Variants in ARHGAP26 observed in about 807,000 individuals in gnomAD.
ARHGAP26 encodes Rho GTPase activating protein 26, also known as rho GTPase-activating protein 26.
ARHGAP26 carries 38 observed loss-of-function variants against 104.8 expected under a neutral mutation model. The observed-to-expected ratio is 0.36, with a 90% CI of 0.28 to 0.48. ARHGAP26 has a LOEUF of 0.48. Ranked by LOEUF, ARHGAP26 falls within the 20% of genes least tolerant of loss-of-function variation. The pLI, the probability that ARHGAP26 is intolerant of heterozygous loss-of-function variation, is 0.99. For synonymous variants in ARHGAP26, 341 were observed against 340.0 expected (o/e 1.00, Z -0.03); for missense variants, 704 against 947.9 (o/e 0.74, Z 3.38).
intron 10 of ARHGAP26, among the ~76,000 whole-genome samples, chr5:142,917,640 A>G (rs1223042992): frequency 6.6e-6 from 1 of 152,154 alleles, no homozygotes; most frequent in Non-Finnish European, 1.5e-5. Flanking sequence ...GGCACATGGC[A>G]CTGAATAGGT....
intron 14 of ARHGAP26, among the ~76,000 whole-genome samples, chr5:143,043,448 T>C (rs1783763995): frequency 6.6e-6 from 1 of 152,218 alleles, no homozygotes; most frequent in Admixed American, 6.5e-5. Flanking sequence ...CATTCATTTA[T>C]TGAAGGGCAC....
chr5:143,137,537 A>G (rs920687773), intron 19 of ARHGAP26, among the ~76,000 whole-genome samples: 1 of 152,228 alleles, frequency 6.6e-6, no homozygotes, highest in Non-Finnish European at 1.5e-5. Flanking sequence ...CCATAGGCAC[A>G]TGCACATGCG....
intron 17 of ARHGAP26, among the ~76,000 whole-genome samples, chr5:143,059,245 C>G (rs1023496379): frequency 6.6e-6 from 1 of 152,122 alleles, no homozygotes; most frequent in South Asian, 2.1e-4. Context: ...GCCATCGGGT[C>G]TGAAAGAGGC....
chr5:143,147,227 C>G lies in ARHGAP26; in HGVS notation c.1838-4C>G, dbSNP rs772215456. ...ATATGGGACTTGTGGCTTTTCCCCC[C>G]CAGAGGAACAAAGGAACAGCATCAT... On this transcript the variant is annotated splice_region_variant and splice_polypyrimidine_tract_variant and intron_variant, in intron 19 of 22. Coordinates refer to ENST00000645722, the MANE Select transcript of ARHGAP26 (RefSeq NM_001135608.3). The G allele has an allele frequency of 2.5e-5, 41 of 1,613,366 alleles. No individual in the cohort carries two copies. The South Asian group carries it at 2.9e-4, about 11-fold the overall frequency.
intron 11 of ARHGAP26, among the ~76,000 whole-genome samples, chr5:142,936,145 A>ACACC (rs764972784): frequency 2.0e-5 from 3 of 149,348 alleles, no homozygotes; most frequent in Admixed American, 6.7e-5. Flanking sequence ...ACACACACAC[A>ACACC]CCCCTTCTAT....
chr5:142,770,531 C>T lies in ARHGAP26; in HGVS notation c.-231C>T. On this transcript the variant is annotated 5_prime_UTR_variant, in exon 1 of 23. Transcript: ENST00000645722. ...GGGTCCGCGCTGCGTTTCCTGCTCG[C>T]GATCCGCTCCGTTGCCCGCGCCCGG... The T allele has an allele frequency of 4.9e-6, 1 of 202,862 alleles. No individual in the cohort carries two copies. The highest frequency in any genetic ancestry group is 9.8e-6 in the Non-Finnish European group (1 of 102,550). The allele number at this position is 202,862 out of a possible 1,614,324, so 12.6% of individuals were successfully genotyped here.
chr5:143,052,535 G>T (rs1016809127), intron 14 of ARHGAP26, among the ~76,000 whole-genome samples: 10 of 152,068 alleles, frequency 6.6e-5, no homozygotes, highest in Admixed American at 4.6e-4. Context: ...TGACAGGAAA[G>T]ACTTCATTTT....
At chr5:143,014,180 A>C in intron 12 of ARHGAP26, 64 bp downstream of exon 12, 3 of 1,584,556 alleles carry the variant, frequency 1.9e-6, no homozygotes. Context: ...AGAAGTTGCT[A>C]CTCCAGGTGT....
At chr5:142,910,494 C>T (rs186877250) in intron 9 of ARHGAP26, among the ~76,000 whole-genome samples, 78 of 152,324 alleles carry the variant, frequency 5.1e-4, no homozygotes, top group African/African-American at 6.7e-4. Flanking sequence ...AATCCCAGCA[C>T]TTGGGAGGCT....
At chr5:143,196,565 G>A (rs1209317002) in intron 20 of ARHGAP26, among the ~76,000 whole-genome samples, 1 of 152,190 alleles carries the variant, frequency 6.6e-6, no homozygotes, top group African/African-American at 2.4e-5. Flanking sequence ...CTTAGGACCA[G>A]CAGCACTGTT....
At chr5:143,141,282 C>G (rs911171287) in intron 19 of ARHGAP26, among the ~76,000 whole-genome samples, 4 of 152,234 alleles carry the variant, frequency 2.6e-5, no homozygotes, top group African/African-American at 4.8e-5. Context: ...TAGGCGCATA[C>G]TTTTGGCACT....
At chr5:143,158,350 C>T (rs1478241044) in intron 20 of ARHGAP26, among the ~76,000 whole-genome samples, 1 of 152,210 alleles carries the variant, frequency 6.6e-6, no homozygotes, top group Admixed American at 6.5e-5. Context: ...TCTTCCAAGA[C>T]AGGCATCGAA....
intron 10 of ARHGAP26, among the ~76,000 whole-genome samples, chr5:142,927,992 T>C (rs1427388050): frequency 6.6e-6 from 1 of 152,236 alleles, no homozygotes; most frequent in Non-Finnish European, 1.5e-5. Context: ...GTATTTATTG[T>C]ATTGGGTGGT....
At chr5:143,010,051 T>C (rs1778530676) in intron 11 of ARHGAP26, among the ~76,000 whole-genome samples, 1 of 152,238 alleles carries the variant, frequency 6.6e-6, no homozygotes, top group African/African-American at 2.4e-5. Flanking sequence ...AGGACATTGC[T>C]CTTGCCTCTG....
At chr5:143,098,155 C>T (rs1025711858) in intron 17 of ARHGAP26, among the ~76,000 whole-genome samples, 5 of 152,028 alleles carry the variant, frequency 3.3e-5, no homozygotes, top group Non-Finnish European at 5.9e-5. Flanking sequence ...CATTTTAAGC[C>T]TCCTTTAAAT....
intron 20 of ARHGAP26, among the ~76,000 whole-genome samples, chr5:143,205,994 T>A (rs897371309): frequency 6.6e-6 from 1 of 152,236 alleles, no homozygotes; most frequent in Non-Finnish European, 1.5e-5. Flanking sequence ...GCCTCTCTGA[T>A]GAACTCACAC....
chr5:143,060,825 T>C (rs1015310945), intron 17 of ARHGAP26, among the ~76,000 whole-genome samples: 73 of 152,174 alleles, frequency 4.8e-4, no homozygotes, highest in African/African-American at 1.7e-3. Flanking sequence ...TAAGAACCAC[T>C]GGCCCAGAGA....
chr5:143,012,552 C>CACATATATATAT (rs1778940698), intron 11 of ARHGAP26, among the ~76,000 whole-genome samples: 1 of 20,846 alleles, frequency 4.8e-5, no homozygotes, highest in Non-Finnish European at 1.4e-4. Flanking sequence ...TACATACATA[C>CACATATATATAT]ATATATATAT....
intron 1 of ARHGAP26, among the ~76,000 whole-genome samples, chr5:142,853,784 T>G (rs1751923952): frequency 6.6e-6 from 1 of 152,164 alleles, no homozygotes; most frequent in Non-Finnish European, 1.5e-5. Flanking sequence ...AGCACTTACC[T>G]TTTCCACTTG....
Sources: allele counts gnomAD v4.1 joint callset (sites outside exome capture counted in the v4.1 genomes callset), GRCh38; gene constraint gnomAD v4.1.1; transcripts MANE v1.5; gene names NCBI Gene and HGNC (gene_info 2026-07-23, HGNC 2026-07-21).